AKR1C3: variants seen among roughly 807,000 people sequenced by gnomAD.
The protein encoded by AKR1C3 is aldo-keto reductase family 1 member C3.
A neutral mutation model predicts 43.6 loss-of-function variants in AKR1C3; 48 were observed. The ratio of observed to expected loss-of-function variants is 1.10; its 90% confidence interval spans 0.87 to 1.40. The LOEUF (loss-of-function observed/expected upper bound fraction) is 1.40. Ranked by LOEUF, AKR1C3 falls within the 40% of genes most tolerant of loss-of-function variation. AKR1C3 has a pLI of 0.00. For missense variants in AKR1C3, 482 were observed against 391.2 expected (o/e 1.23, Z -1.96); for synonymous variants, 162 against 139.6 (o/e 1.16, Z -1.13).
At chr10:5,100,459 C>A (rs1319562388) in intron 5 of AKR1C3, among the ~76,000 whole-genome samples, 1 of 152,122 alleles carries the variant, frequency 6.6e-6, no homozygotes, top group Non-Finnish European at 1.5e-5. Context: ...TTAAACACAT[C>A]TATTCTATGC....
intron 1 of AKR1C3, among the ~76,000 whole-genome samples, chr10:5,052,128 T>G (rs1177989545): frequency 2.0e-5 from 3 of 152,080 alleles, no homozygotes; most frequent in African/African-American, 7.2e-5. Context: ...TTCTGGTGGG[T>G]GCATGGTCGC....
At chr10:5,093,978 AT>A (rs1455309726), upstream of AKR1C3, 1 of 152,092 alleles carries the variant, frequency 6.6e-6, no homozygotes, top group African/African-American at 2.4e-5. Context: ...CTCATTAGTC[AT>A]TCCTTTAAAT....
chr10:5,107,528 AC>A lies in AKR1C3; in HGVS notation c.*27del. ...ACATGGAGGGCTTTGCCTGATGTCTACCAGAAGCCCTGTGTGTGGATGGTGA... is the reference window on the plus strand; with the variant it reads ...ACATGGAGGGCTTTGCCTGATGTCTACAGAAGCCCTGTGTGTGGATGGTGA... On this transcript the variant is annotated 3_prime_UTR_variant, in exon 9 of 9. Coordinates refer to ENST00000380554, the MANE Select transcript of AKR1C3 (RefSeq NM_003739.6). 6.4e-7 allele frequency: 1 copy of A among 1,560,502 alleles called. No individual in the cohort carries two copies. Among genetic ancestry groups the A allele is most frequent in the Non-Finnish European group, 8.8e-7 (1 of 1,132,958 alleles).
upstream of AKR1C3, chr10:5,094,337 C>G: frequency 7.8e-7 from 1 of 1,287,636 alleles, no homozygotes; most frequent in Non-Finnish European, 1.1e-6. Context: ...CATTGGTTAA[C>G]CATCAGTCAG....
At chr10:5,051,572 A>AC (rs1838154428) in intron 1 of AKR1C3, among the ~76,000 whole-genome samples, 1 of 152,110 alleles carries the variant, frequency 6.6e-6, no homozygotes, top group Admixed American at 6.5e-5. Flanking sequence ...TCACTGTGCT[A>AC]CCCCCCAGTA....
At chr10:5,101,973 G>A in intron 5 of AKR1C3, 128 bp from the exon 6 acceptor site, 1 of 611,048 alleles carries the variant, frequency 1.6e-6, no homozygotes, top group Non-Finnish European at 2.9e-6. Flanking sequence ...GTTATTACTT[G>A]ACAATAATAT....
chr10:5,084,794 T>C (rs1448067243), intron 1 of AKR1C3, among the ~76,000 whole-genome samples: 1 of 152,206 alleles, frequency 6.6e-6, no homozygotes, highest in Non-Finnish European at 1.5e-5. Context: ...GTCCTTCACA[T>C]CCCTTGTAAG....
chr10:5,096,421 TAAAGCTTTGGAGGTCAC>T lies in AKR1C3; in HGVS notation c.100_116del (p.Ala34IlefsTer18). On this transcript the variant is annotated frameshift_variant, in exon 2 of 9. Transcript: ENST00000380554. LOFTEE classifies it high-confidence loss of function. ...GGTTGCTCCTCCAGGTTCCGAGAAGTAAAGCTTTGGAGGTCACAAAATTAGCAATAGAAGCTGGGTTC... is the reference window on the plus strand; with the variant it reads ...GGTTGCTCCTCCAGGTTCCGAGAAGTAAAATTAGCAATAGAAGCTGGGTTC... The T allele has an allele frequency of 6.2e-7, 1 of 1,613,056 alleles. No homozygotes were observed. The highest frequency in any genetic ancestry group is 2.2e-5 in the East Asian group (1 of 44,854).
chr10:5,063,583 G>A (rs1426135431), intron 1 of AKR1C3, among the ~76,000 whole-genome samples: 1 of 151,158 alleles, frequency 6.6e-6, no homozygotes, highest in Admixed American at 6.6e-5. Context: ...ATCACTTGAG[G>A]CCAGAAGTTT....
At chr10:5,095,019 GGACTA>G (rs1554784931) in intron 1 of AKR1C3, among the ~76,000 whole-genome samples, 1 of 151,962 alleles carries the variant, frequency 6.6e-6, no homozygotes, top group Admixed American at 6.6e-5. Context: ...TACCGGACCT[GGACTA>G]GAGTTTCCAC....
intron 1 of AKR1C3, 121 bp downstream of exon 1, chr10:5,094,649 T>A: frequency 9.1e-7 from 1 of 1,096,352 alleles, no homozygotes; most frequent in Non-Finnish European, 1.3e-6. Context: ...TGGTCTAGGT[T>A]TCCTAGGCTA....
chr10:5,098,474 T>A (rs1839267484), intron 3 of AKR1C3, among the ~76,000 whole-genome samples: 1 of 152,208 alleles, frequency 6.6e-6, no homozygotes, highest in African/African-American at 2.4e-5. Flanking sequence ...TTTTTGGATA[T>A]CAAGGTATTT....
Position 5,099,450 on chromosome 10 carries a change from G to A in AKR1C3, c.570+1G>A, listed in dbSNP as rs147205859. The A allele has an allele frequency of 2.4e-4, 387 of 1,614,150 alleles. 5 individuals carry two copies. In the African/African-American group the frequency reaches 4.7e-3, roughly 20 times the overall value. On this transcript the variant is annotated splice_donor_variant, in intron 5 of 8. Coordinates refer to ENST00000380554, the MANE Select transcript of AKR1C3 (RefSeq NM_003739.6). LOFTEE classifies it high-confidence loss of function. Reference sequence around the variant, plus strand: ...CAAGTACAAGCCTGTCTGCAACCAGGTGAGCTCCCTTGGCCTTCTCTCCTT... The same window carrying A: ...CAAGTACAAGCCTGTCTGCAACCAGATGAGCTCCCTTGGCCTTCTCTCCTT...
chr10:5,097,576 T>G, intron 3 of AKR1C3, 26 bp downstream of exon 3: 1 of 1,612,738 alleles, frequency 6.2e-7, no homozygotes, highest in Admixed American at 1.7e-5. Flanking sequence ...GAGCATAAAA[T>G]TGCGCTTCTG....
At position 5,105,646 on chromosome 10, in the gene AKR1C3, G is replaced by C. The variant is rs1554787064; in HGVS notation, c.898G>C (p.Asp300His). 6.8e-6 allele frequency: 11 copies of C among 1,613,964 alleles called. No individual in the cohort carries two copies. The highest frequency in any genetic ancestry group is 2.2e-5 in the East Asian group (1 of 44,874). ...AEDMKAIDGL[D>H]RNLHYFNSDS... is the part of the protein sequence containing the mutation. Reference sequence around the variant, plus strand: ...GGACATGAAAGCCATAGATGGCCTAGACAGAAATCTCCACTATTTTAACAG... The same window carrying C: ...GGACATGAAAGCCATAGATGGCCTACACAGAAATCTCCACTATTTTAACAG... Residue 300 changes from aspartate to histidine, a missense_variant, in exon 8 of 9, where the codon GAC becomes CAC. Asp to His is a moderately conservative substitution (Grantham distance 81). Transcript: ENST00000380554.
intron 1 of AKR1C3, among the ~76,000 whole-genome samples, chr10:5,083,439 G>A (rs1170812476): frequency 2.6e-5 from 4 of 152,158 alleles, no homozygotes; most frequent in African/African-American, 9.7e-5. Flanking sequence ...AGTATTCCAT[G>A]GTGTATAGGT....
chr10:5,061,422 C>A (rs377748313), intron 1 of AKR1C3, among the ~76,000 whole-genome samples: 293 of 152,144 alleles, frequency 1.9e-3, no homozygotes, highest in African/African-American at 6.6e-3. Context: ...GATCAGAGCT[C>A]CCAGAGCCTA....
chr10:5,083,310 G>A (rs1588345874), intron 1 of AKR1C3, among the ~76,000 whole-genome samples: 1 of 151,844 alleles, frequency 6.6e-6, no homozygotes, highest in East Asian at 1.9e-4. Flanking sequence ...TCCCACCTAT[G>A]AGTGAGAACA....
chr10:5,089,947 G>A (rs72774006), upstream of AKR1C3, among the ~76,000 whole-genome samples: 9,422 of 152,162 alleles, frequency 0.062, 341 homozygotes, highest in Middle Eastern at 0.085. Context: ...GGGTGTGATT[G>A]TAGAGTGTCA....
Sources: allele counts gnomAD v4.1 joint callset (sites outside exome capture counted in the v4.1 genomes callset), GRCh38; gene constraint gnomAD v4.1.1; transcripts MANE v1.5; gene names NCBI Gene and HGNC (gene_info 2026-07-23, HGNC 2026-07-21).